JAKMIP2: variants seen among roughly 807,000 people sequenced by gnomAD.
JAKMIP2 encodes janus kinase and microtubule interacting protein 2, also known as janus kinase and microtubule-interacting protein 2.
In JAKMIP2, 25 loss-of-function variants were observed where a neutral mutation model predicts 115.0. The ratio of observed to expected loss-of-function variants is 0.22; its 90% confidence interval spans 0.16 to 0.30. The LOEUF is 0.30. Ranked by LOEUF, JAKMIP2 falls within the 10% of genes least tolerant of loss-of-function variation. JAKMIP2 has a pLI of 1.00. For missense variants in JAKMIP2, 642 were observed against 957.6 expected, an observed-to-expected ratio of 0.67 and a Z score of 4.35; for synonymous variants, 334 against 343.6, an observed-to-expected ratio of 0.97 and a Z score of 0.31.
At chr5:147,691,935 G>A (rs888854288) in intron 1 of JAKMIP2, among the ~76,000 whole-genome samples, 18 of 151,868 alleles carry the variant, frequency 1.2e-4, no homozygotes, top group South Asian at 1.0e-3. Flanking sequence ...TTCCTGTTTC[G>A]GAGACTTTAC....
rs1756638470 is a variant in JAKMIP2, at chr5:147,617,372, T to C, written c.2346+539A>G. ...TGAGATAATAAAAATACTTACCTCATAGGGCTATTATGAAGATTAAATGAA... is the reference window on the plus strand; with the variant it reads ...TGAGATAATAAAAATACTTACCTCACAGGGCTATTATGAAGATTAAATGAA... On this transcript the variant is annotated intron_variant, in intron 19 of 21. Coordinates refer to ENST00000616793, the MANE Select transcript of JAKMIP2 (RefSeq NM_001270941.2). 2.0e-5 allele frequency among the ~76,000 whole-genome samples: 3 copies of C among 152,152 alleles called. No individual in the cohort carries two copies. In the East Asian group the frequency reaches 5.8e-4, roughly 29 times the overall value.
intron 19 of JAKMIP2, among the ~76,000 whole-genome samples, chr5:147,613,707 C>G (rs1453846191): frequency 6.6e-6 from 1 of 152,060 alleles, no homozygotes; most frequent in African/African-American, 2.4e-5. Flanking sequence ...CGATAAGGCA[C>G]AGAACAGCCA....
chr5:147,671,094 C>T (rs1436660031), intron 2 of JAKMIP2, among the ~76,000 whole-genome samples: 4 of 152,122 alleles, frequency 2.6e-5, no homozygotes, highest in Non-Finnish European at 5.9e-5. Flanking sequence ...AGAACAAGTG[C>T]AAAGGCCCTA....
At chr5:147,733,364 C>G (rs934438974) in intron 1 of JAKMIP2, among the ~76,000 whole-genome samples, 2 of 152,176 alleles carry the variant, frequency 1.3e-5, no homozygotes, top group African/African-American at 4.8e-5. Context: ...TCTTGCCTTT[C>G]CTAATTATTA....
At chr5:147,712,921 G>C (rs1752837900) in intron 1 of JAKMIP2, among the ~76,000 whole-genome samples, 1 of 152,116 alleles carries the variant, frequency 6.6e-6, no homozygotes, top group South Asian at 2.1e-4. Flanking sequence ...TCTTTGTTGA[G>C]TTCATAAATC....
chr5:147,635,802 C>T (rs572629002), intron 12 of JAKMIP2, among the ~76,000 whole-genome samples: 1 of 152,250 alleles, frequency 6.6e-6, no homozygotes, highest in Non-Finnish European at 1.5e-5. Flanking sequence ...CTCAGGTGAT[C>T]CACCCACCTC....
intron 1 of JAKMIP2, among the ~76,000 whole-genome samples, chr5:147,764,548 TAA>T (rs1334737497): frequency 6.6e-6 from 1 of 151,924 alleles, no homozygotes; most frequent in African/African-American, 2.4e-5. Context: ...TTGAGTTAAG[TAA>T]AAGAGATTTA....
chr5:147,667,690 A>G (rs1387799937), intron 2 of JAKMIP2, among the ~76,000 whole-genome samples: 1 of 152,126 alleles, frequency 6.6e-6, no homozygotes, highest in Non-Finnish European at 1.5e-5. Context: ...GTCCTATACA[A>G]CCTTACACAA....
intron 19 of JAKMIP2, among the ~76,000 whole-genome samples, chr5:147,614,895 G>A (rs1191647216): frequency 6.6e-6 from 1 of 152,046 alleles, no homozygotes; most frequent in African/African-American, 2.4e-5. Context: ...CTGTCTTCTG[G>A]GACACTTGGC....
intron 12 of JAKMIP2, among the ~76,000 whole-genome samples, chr5:147,634,620 AT>A (rs1395974208): frequency 2.0e-4 from 30 of 152,336 alleles, no homozygotes; most frequent in African/African-American, 7.0e-4. Context: ...AATTCATTCA[AT>A]GCCAACAAAG....
At position 147,590,213 on chromosome 5, in the gene JAKMIP2, A is replaced by G; in HGVS notation, c.*1494T>C. On this transcript the variant is annotated 3_prime_UTR_variant, in exon 22 of 22. Coordinates refer to ENST00000616793, the MANE Select transcript of JAKMIP2 (RefSeq NM_001270941.2). The stretch of plus-strand genomic sequence containing the variant: ...GATTTGTATAGCATTTCATAGAAAG[A>G]GTTTCTGGCTCCCTACACATATTCT... 1 of 152,124 alleles carries G rather than the reference A, an allele frequency of 6.6e-6. No homozygotes were observed. The highest frequency in any genetic ancestry group is 1.9e-4 in the East Asian group (1 of 5,176). The allele number at this position is 152,124 out of a possible 1,614,324, so 9.4% of individuals were successfully genotyped here. A position where few individuals can be genotyped will look rare whatever the true frequency, so the allele number is the denominator to read the frequency against.
chr5:147,748,431 G>A (rs1237394671), intron 1 of JAKMIP2, among the ~76,000 whole-genome samples: 1 of 152,058 alleles, frequency 6.6e-6, no homozygotes, highest in Non-Finnish European at 1.5e-5. Context: ...AGATAGCGAG[G>A]GTAAAAGAAT....
At chr5:147,724,754 G>A (rs1383690914) in intron 1 of JAKMIP2, among the ~76,000 whole-genome samples, 1 of 152,184 alleles carries the variant, frequency 6.6e-6, no homozygotes, top group Admixed American at 6.5e-5. Context: ...AATTGGGTAA[G>A]TTTGAACTGG....
chr5:147,623,474 T>A (rs1289282322), intron 17 of JAKMIP2, 147 bp downstream of exon 17: 1 of 476,658 alleles, frequency 2.1e-6, no homozygotes, highest in Non-Finnish European at 3.7e-6. Flanking sequence ...CTTCTGGTAA[T>A]TTTTTTTCCA....
intron 1 of JAKMIP2, among the ~76,000 whole-genome samples, chr5:147,703,675 C>T (rs555224613): frequency 9.2e-5 from 14 of 151,630 alleles, no homozygotes; most frequent in African/African-American, 2.7e-4. Flanking sequence ...AATCCTCCTA[C>T]CTCAGCCTCA....
intron 3 of JAKMIP2, among the ~76,000 whole-genome samples, chr5:147,654,276 T>G (rs1364686888): frequency 6.6e-6 from 1 of 151,742 alleles, no homozygotes; most frequent in Non-Finnish European, 1.5e-5. Context: ...TTGATGGGAA[T>G]AGTGTTGATC....
intron 1 of JAKMIP2, among the ~76,000 whole-genome samples, chr5:147,712,218 T>G (rs1252347914): frequency 6.6e-6 from 1 of 152,174 alleles, no homozygotes; most frequent in Non-Finnish European, 1.5e-5. Flanking sequence ...ACAGAAGTCA[T>G]GTTTTCCAGC....
At chr5:147,732,401 T>C (rs1218845990) in intron 1 of JAKMIP2, among the ~76,000 whole-genome samples, 2 of 152,240 alleles carry the variant, frequency 1.3e-5, no homozygotes, top group Non-Finnish European at 2.9e-5. Context: ...ATTCTTAATG[T>C]TCTTCTCTTT....
At chr5:147,674,578 A>G (rs1759824242) in intron 1 of JAKMIP2, among the ~76,000 whole-genome samples, 1 of 152,196 alleles carries the variant, frequency 6.6e-6, no homozygotes, top group African/African-American at 2.4e-5. Flanking sequence ...TGGATTTTAC[A>G]GGCATGAGGA....
Sources: allele counts gnomAD v4.1 joint callset (sites outside exome capture counted in the v4.1 genomes callset), GRCh38; gene constraint gnomAD v4.1.1; transcripts MANE v1.5; gene names NCBI Gene and HGNC (gene_info 2026-07-23, HGNC 2026-07-21).